AGAP3: variants seen among roughly 807,000 people sequenced by gnomAD.
AGAP3 encodes ArfGAP with GTPase domain, ankyrin repeat and PH domain 3, also known as arf-GAP with GTPase, ANK repeat and PH domain-containing protein 3.
In AGAP3, 24 loss-of-function variants were observed where a neutral mutation model predicts 96.9. That is an observed-to-expected ratio of 0.25 (90% CI 0.18 to 0.35). The LOEUF (loss-of-function observed/expected upper bound fraction) is 0.35, where lower values mean the gene tolerates loss of function less well. AGAP3 is among the 10% of genes least tolerant of loss of function. The pLI is 1.00. For synonymous variants in AGAP3, 563 were observed against 536.1 expected (o/e 1.05, Z -0.69); for missense variants, 876 against 1,254.2 (o/e 0.70, Z 4.55).
intron 1 of AGAP3, among the ~76,000 whole-genome samples, chr7:151,107,529 C>T (rs1215027826): frequency 2.0e-5 from 3 of 151,594 alleles, no homozygotes; most frequent in African/African-American, 4.9e-5. Context: ...GAGGCTGAGG[C>T]GGGAGGATCG....
In AGAP3 at chr7:151,118,903, C is replaced by T. The variant is rs1175415157; in HGVS notation, c.969+271C>T. ...ATTCCACAGCCTGCATTCCCTACCC[C>T]GATGCCCTCTGCTGAAAGTCCTGGG... On this transcript the variant is annotated intron_variant, in intron 7 of 17. Coordinates refer to ENST00000397238, the MANE Select transcript of AGAP3 (RefSeq NM_031946.7). This position sits in a 1 kb window ranked among gnomAD's most constrained non-coding sequence, Gnocchi z 6.1. 1.3e-5 allele frequency among the ~76,000 whole-genome samples: 2 copies of T among 152,228 alleles called. No homozygotes were observed. The highest frequency in any genetic ancestry group is 1.5e-5 in the Non-Finnish European group (1 of 68,044).
chr7:151,089,658 G>A (rs1320431571), intron 1 of AGAP3: 1 of 152,266 alleles, frequency 6.6e-6, no homozygotes. Flanking sequence ...TCCAGGACAG[G>A]AGGAAGCAGG....
In AGAP3 at chr7:151,141,426, T is replaced by TCCTGG. The variant is rs1800807402; in HGVS notation, c.1805-472_1805-471insCCTGG. On this transcript the variant is annotated intron_variant, in intron 13 of 17. Coordinates refer to ENST00000397238, the MANE Select transcript of AGAP3 (RefSeq NM_031946.7). The surrounding 1 kb of genome is among the most constrained non-coding windows in gnomAD (Gnocchi z 4.2). Reference sequence around the variant, plus strand: ...GGCCCAGCTCCCAGGAGCCCCACGCTGACGCCGTCAGGAATATTGGGTTTA... The same window carrying TCCTGG: ...GGCCCAGCTCCCAGGAGCCCCACGCTCCTGGGACGCCGTCAGGAATATTGGGTTTA... The TCCTGG allele has an allele frequency of 1.2e-5, 2 of 171,236 alleles. No individual in the cohort carries two copies. The highest frequency in any genetic ancestry group is 4.8e-5 in the African/African-American group (2 of 41,800). 10.6% of individuals were successfully genotyped at this position (171,236 alleles called of 1,614,324 possible).
chr7:151,112,965 C>G (rs1377297855), intron 1 of AGAP3, among the ~76,000 whole-genome samples: 5 of 152,136 alleles, frequency 3.3e-5, no homozygotes, highest in African/African-American at 1.2e-4. Context: ...GACTCCTGAC[C>G]TCAGGTGATC....
In AGAP3 at chr7:151,096,853, A is replaced by G. The variant is rs1216025173; in HGVS notation, c.331+9781A>G. Among the ~76,000 whole-genome samples, 1 of 151,944 alleles carries G rather than the reference A, an allele frequency of 6.6e-6. No homozygotes were observed. ...GAGTGTAGTGGTATGATCTCAGCTC[A>G]CTGCAACCTCTGCCTCCCGAGTTCA... On this transcript the variant is annotated intron_variant, in intron 1 of 17. Coordinates refer to ENST00000397238, the MANE Select transcript of AGAP3 (RefSeq NM_031946.7). The surrounding 1 kb of genome is among the most constrained non-coding windows in gnomAD (Gnocchi z 4.4).
At chr7:151,111,997 G>C (rs1799309309) in intron 1 of AGAP3, among the ~76,000 whole-genome samples, 1 of 152,198 alleles carries the variant, frequency 6.6e-6, no homozygotes, top group South Asian at 2.1e-4. Context: ...TCTGTGTCGA[G>C]CACAGCTGTG....
Position 151,143,074 on chromosome 7 carries a change from C to T in AGAP3, c.2274-267C>T, listed in dbSNP as rs1436590062. On this transcript the variant is annotated intron_variant, in intron 16 of 17. Coordinates refer to ENST00000397238, the MANE Select transcript of AGAP3 (RefSeq NM_031946.7). This position sits in a 1 kb window ranked among gnomAD's most constrained non-coding sequence, Gnocchi z 5.9. ...GCCTGGAATCTTCCTGCCCTCTCAG[C>T]CCCCGCATCCCCACTGTCCCCAGGG... is the stretch of plus-strand genomic sequence containing the variant. 6.6e-6 allele frequency among the ~76,000 whole-genome samples: 1 copy of T among 152,216 alleles called. No homozygotes were observed.
chr7:151,106,622 C>A (rs1048064832), intron 1 of AGAP3, among the ~76,000 whole-genome samples: 1 of 152,096 alleles, frequency 6.6e-6, no homozygotes, highest in Non-Finnish European at 1.5e-5. Flanking sequence ...GGATTACAGG[C>A]ACGTACCACC....
chr7:151,092,025 GGA>G (rs1410627201), intron 1 of AGAP3, among the ~76,000 whole-genome samples: 23 of 152,190 alleles, frequency 1.5e-4, no homozygotes, highest in African/African-American at 5.3e-4. Context: ...GAGGTGGGCA[GGA>G]CCCTGGTGAA....
Position 151,123,840 on chromosome 7 carries a change from G to A in AGAP3, c.1175G>A (p.Cys392Tyr). Residue 392 changes from cysteine to tyrosine, a missense_variant, in exon 9 of 18, where the codon TGC becomes TAC. By Grantham distance (194) the Cys-to-Tyr change is radical. Coordinates refer to ENST00000397238, the MANE Select transcript of AGAP3 (RefSeq NM_031946.7). ...GACCGGGAGAAGAAGGCTGCCGAGT[G>A]CAAGGTGGACAGCATCGGGAGCGGC... is the stretch of plus-strand genomic sequence containing the variant. ...DLDREKKAAE[C>Y]KVDSIGSGRA... 5 of 1,612,430 alleles carry A rather than the reference G, an allele frequency of 3.1e-6. No homozygotes were observed. Among genetic ancestry groups the A allele is most frequent in the East Asian group, 2.2e-5 (1 of 44,878 alleles).
chr7:151,138,723 G>A (rs1253001637), intron 12 of AGAP3, among the ~76,000 whole-genome samples: 2 of 152,352 alleles, frequency 1.3e-5, no homozygotes, highest in South Asian at 4.1e-4. Flanking sequence ...GGACGGGGAA[G>A]CGGCTGAGTA....
chr7:151,126,626 G>A (rs1484650998), intron 9 of AGAP3, among the ~76,000 whole-genome samples: 1 of 152,154 alleles, frequency 6.6e-6, no homozygotes, highest in African/African-American at 2.4e-5. Context: ...TAGAGCCTTC[G>A]AGCACGCTAG....
Position 151,140,190 on chromosome 7 carries a change from C to G in AGAP3, c.1804+74C>G, listed in dbSNP as rs1800766259. 1.5e-6 allele frequency: 2 copies of G among 1,342,998 alleles called. No individual in the cohort carries two copies. Among genetic ancestry groups the G allele is most frequent in the East Asian group, 6.0e-5 (2 of 33,324 alleles). The allele number at this position is 1,342,998 out of a possible 1,614,324, so 83.2% of individuals were successfully genotyped here. A position where few individuals can be genotyped will look rare whatever the true frequency, so the allele number is the denominator to read the frequency against. On this transcript the variant is annotated intron_variant, in intron 13 of 17. Coordinates refer to ENST00000397238, the MANE Select transcript of AGAP3 (RefSeq NM_031946.7). This position sits in a 1 kb window ranked among gnomAD's most constrained non-coding sequence, Gnocchi z 5.4. ...CTTGGGGATAGTACCCTAAAAGTAA[C>G]ACCTATTTTTTATTTTTTGTATTCA...
chr7:151,124,089 C>T (rs1015225675), intron 9 of AGAP3, among the ~76,000 whole-genome samples: 1 of 152,228 alleles, frequency 6.6e-6, no homozygotes, highest in Non-Finnish European at 1.5e-5. Context: ...AGGCCACGAG[C>T]TCTGCCTGTA....
Position 151,118,480 on chromosome 7 carries a change from T to G in AGAP3, c.842-25T>G. ...GCTTTTCCCTTCTCTCCAGTGGGTA[T>G]AATTGACTCTGCTGTCCCCTGCAGT... On this transcript the variant is annotated intron_variant, in intron 6 of 17. Coordinates refer to ENST00000397238, the MANE Select transcript of AGAP3 (RefSeq NM_031946.7). The surrounding 1 kb of genome is among the most constrained non-coding windows in gnomAD (Gnocchi z 6.1). The G allele has an allele frequency of 6.2e-7, 1 of 1,613,652 alleles. No individual in the cohort carries two copies. The highest frequency in any genetic ancestry group is 8.5e-7 in the Non-Finnish European group (1 of 1,179,638).
Position 151,134,500 on chromosome 7 carries a change from C to T in AGAP3, c.1427C>T (p.Pro476Leu), listed in dbSNP as rs763875215. 17 of 1,613,172 alleles carry T rather than the reference C, an allele frequency of 1.1e-5. No homozygotes were observed. The highest frequency in any genetic ancestry group is 4.0e-5 in the African/African-American group (3 of 74,928). ...CCCCGAGCCACACCTGCCACAGCCC[C>T]GGGCACCAGCCCCCGTGCCAACGGG... Reference protein sequence around the residue: ...RLPRATPATAPGTSPRANGLS... With the variant: ...RLPRATPATALGTSPRANGLS... The change falls in exon 11 of 18, where the codon CCG becomes CTG. Residue 476 changes from proline to leucine, a missense_variant. By Grantham distance (98) the Pro-to-Leu change is moderately conservative. Transcript: ENST00000397238.
intron 7 of AGAP3, 117 bp from the exon 8 acceptor site, chr7:151,119,870 C>T: frequency 2.1e-6 from 2 of 950,222 alleles, no homozygotes; most frequent in Admixed American, 2.4e-5. Context: ...CTAGTGGCCC[C>T]TCTGCTGCCC....
At chr7:151,092,974 G>T (rs771751046) in intron 1 of AGAP3, among the ~76,000 whole-genome samples, 7 of 152,066 alleles carry the variant, frequency 4.6e-5, no homozygotes, top group Non-Finnish European at 5.9e-5. Context: ...ATTTTCTTCT[G>T]CTCCCCACTA....
At position 151,096,260 on chromosome 7, in the gene AGAP3, C is replaced by T. The variant is rs907637601; in HGVS notation, c.331+9188C>T. On this transcript the variant is annotated intron_variant, in intron 1 of 17. Transcript: ENST00000397238. This position sits in a 1 kb window ranked among gnomAD's most constrained non-coding sequence, Gnocchi z 4.4. The stretch of plus-strand genomic sequence containing the variant: ...TCACAGGAATGACCATTTCCGGACC[C>T]GAGCCTGAGAGCCCAGGTGGCAGAG... Among the ~76,000 whole-genome samples the T allele has an allele frequency of 6.6e-5, 10 of 152,114 alleles. No individual in the cohort carries two copies. Among genetic ancestry groups the T allele is most frequent in the South Asian group, 2.1e-4 (1 of 4,828 alleles).
Sources: gnomAD v4.1 joint callset for allele counts (sites outside exome capture counted in the v4.1 genomes callset) on GRCh38, gnomAD v4.1.1 for gene constraint, Gnocchi (gnomAD v3.1) non-coding constraint, MANE v1.5 for transcripts, NCBI Gene and HGNC (gene_info 2026-07-23, HGNC 2026-07-21) for gene names.